The following PTPRD variants were observed in gnomAD, a reference collection of about 807,000 sequenced individuals.
The protein encoded by PTPRD is protein tyrosine phosphatase receptor type D.
PTPRD carries 34 observed loss-of-function variants against 214.5 expected under a neutral mutation model. That is an observed-to-expected ratio of 0.16 (90% CI 0.12 to 0.21). The LOEUF is 0.21. Ranked by LOEUF, PTPRD falls within the 10% of genes least tolerant of loss-of-function variation. The pLI is 1.00. For synonymous variants in PTPRD, 1,128 were observed against 845.7 expected, an observed-to-expected ratio of 1.33 and a Z score of -5.79; for missense variants, 2,545 against 2,398.7, an observed-to-expected ratio of 1.06 and a Z score of -1.27.
chr9:10,082,130 A>G (rs2098248750), intron 3 of PTPRD, among the ~76,000 whole-genome samples: 1 of 152,116 alleles, frequency 6.6e-6, no homozygotes, highest in Non-Finnish European at 1.5e-5. Context: ...TTATAATCCA[A>G]AATTCAATGA....
chr9:8,944,399 A>T (rs2099051625), intron 11 of PTPRD, among the ~76,000 whole-genome samples: 1 of 152,074 alleles, frequency 6.6e-6, no homozygotes, highest in African/African-American at 2.4e-5. Flanking sequence ...TTCCAGTGCT[A>T]AGTATATACT....
At position 9,058,786 on chromosome 9, in the gene PTPRD, A is replaced by C. The variant is rs189776943; in HGVS notation, c.-142-40051T>G. Among the ~76,000 whole-genome samples the C allele has an allele frequency of 3.2e-3, 481 of 152,090 alleles. 5 individuals carry two copies. Among genetic ancestry groups the C allele is most frequent in the Non-Finnish European group, 5.3e-3 (361 of 67,994 alleles). Reference sequence around the variant, plus strand: ...TTAAGCAAAGGAAAAGAAAATCTTAAAGTTAGAGAGGTTGTGAAAAAACAT... The same window carrying C: ...TTAAGCAAAGGAAAAGAAAATCTTACAGTTAGAGAGGTTGTGAAAAAACAT... On this transcript the variant is annotated intron_variant, in intron 10 of 45. Coordinates refer to ENST00000381196, the MANE Select transcript of PTPRD (RefSeq NM_002839.4).
intron 3 of PTPRD, among the ~76,000 whole-genome samples, chr9:10,264,822 T>C (rs972633631): frequency 6.6e-6 from 1 of 152,168 alleles, no homozygotes; most frequent in African/African-American, 2.4e-5. Context: ...TCTTGAATTA[T>C]AGCTCCCATA....
Position 8,524,723 on chromosome 9 carries a change from C to G in PTPRD, c.679+202G>C, listed in dbSNP as rs1453507020. ...TACTTACAAACTCCAAGCCTCAGGA[C>G]AGATTATACTCAAGAGTTGTCTTTT... On this transcript the variant is annotated intron_variant, in intron 18 of 45. Transcript: ENST00000381196. The G allele has an allele frequency of 9.9e-6, 7 of 709,934 alleles. No individual in the cohort carries two copies. In the East Asian group the frequency reaches 1.5e-4, roughly 15 times the overall value. The allele number at this position is 709,934 out of a possible 1,614,324, so 44.0% of individuals were successfully genotyped here.
At chr9:9,034,238 G>T (rs1251334251) in intron 10 of PTPRD, among the ~76,000 whole-genome samples, 1 of 152,126 alleles carries the variant, frequency 6.6e-6, no homozygotes, top group Non-Finnish European at 1.5e-5. Flanking sequence ...GGAACCTCTA[G>T]AGCTCTGTTA....
intron 14 of PTPRD, among the ~76,000 whole-genome samples, chr9:8,545,106 G>GA (rs758533958): frequency 3.3e-5 from 5 of 152,058 alleles, no homozygotes; most frequent in East Asian, 3.9e-4. Flanking sequence ...TGGTTGTGAG[G>GA]AAAAAATGCA....
chr9:9,029,777 G>T (rs750940428), intron 10 of PTPRD, among the ~76,000 whole-genome samples: 1 of 151,854 alleles, frequency 6.6e-6, no homozygotes, highest in Non-Finnish European at 1.5e-5. Flanking sequence ...CAGGTAGGTG[G>T]CTGAGTCTGA....
At chr9:9,503,649 A>G (rs575646606) in intron 8 of PTPRD, among the ~76,000 whole-genome samples, 47 of 151,912 alleles carry the variant, frequency 3.1e-4, no homozygotes, top group Non-Finnish European at 1.5e-5. Context: ...TTGTAGCAAG[A>G]CTATGGTAGA....
At chr9:10,264,581 C>T (rs1247700292) in intron 3 of PTPRD, among the ~76,000 whole-genome samples, 2 of 152,136 alleles carry the variant, frequency 1.3e-5, no homozygotes, top group Non-Finnish European at 2.9e-5. Context: ...GCCTGTACCC[C>T]CATTGTATCT....
intron 11 of PTPRD, among the ~76,000 whole-genome samples, chr9:9,002,450 T>G (rs1173858323): frequency 1.3e-5 from 2 of 152,054 alleles, no homozygotes; most frequent in Non-Finnish European, 2.9e-5. Flanking sequence ...AAAAAATTGA[T>G]TATTCTATTA....
At chr9:8,735,150 C>T (rs12344638) in intron 11 of PTPRD, among the ~76,000 whole-genome samples, 104,411 of 140,966 alleles carry the variant, frequency 0.74, 38,343 homozygotes, top group African/African-American at 0.77. Context: ...TTTTTTTTTT[C>T]TGTTTTTTTT....
At chr9:10,345,099 T>C (rs536261191) in intron 2 of PTPRD, among the ~76,000 whole-genome samples, 2 of 152,282 alleles carry the variant, frequency 1.3e-5, no homozygotes, top group East Asian at 3.9e-4. Flanking sequence ...TGCTGATGAA[T>C]TCCAATCACC....
intron 3 of PTPRD, among the ~76,000 whole-genome samples, chr9:10,216,201 A>T (rs2099540308): frequency 6.6e-6 from 1 of 151,706 alleles, no homozygotes; most frequent in African/African-American, 2.4e-5. Flanking sequence ...ATTTATTCTG[A>T]TTCCTGAGGT....
At position 8,499,710 on chromosome 9, in the gene PTPRD, C is replaced by T. The variant is rs267602291; in HGVS notation, c.2259G>A (p.Arg753=). 1 of 1,614,130 alleles carries T rather than the reference C, an allele frequency of 6.2e-7. No individual in the cohort carries two copies. The highest frequency in any genetic ancestry group is 2.2e-5 in the East Asian group (1 of 44,888). The change falls in exon 25 of 46, where the codon AGG becomes AGA. Residue 753 remains arginine (R), a synonymous_variant. Transcript: ENST00000381196. ...QIRGYQVHYV[R]MENGEPKGQP... is the part of the protein sequence containing the mutation. ...GGCCCTTGGGCTCACCATTTTCCAT[C>T]CTCACATAATGCACCTGATATCCTC...
At chr9:9,342,524 T>A (rs762921352) in intron 9 of PTPRD, among the ~76,000 whole-genome samples, 1 of 152,120 alleles carries the variant, frequency 6.6e-6, no homozygotes, top group Non-Finnish European at 1.5e-5. Flanking sequence ...TGAAGAAACA[T>A]GATTGGCTAC....
chr9:9,319,763 A>C (rs1029573386), intron 9 of PTPRD, among the ~76,000 whole-genome samples: 3 of 152,318 alleles, frequency 2.0e-5, no homozygotes, highest in Admixed American at 6.5e-5. Flanking sequence ...TTCTAGGAGT[A>C]GTGATAATTA....
intron 3 of PTPRD, among the ~76,000 whole-genome samples, chr9:10,300,631 T>TGTAAACAAA (rs2095834511): frequency 6.6e-6 from 1 of 152,058 alleles, no homozygotes; most frequent in African/African-American, 2.4e-5. Context: ...ACCCTCACAG[T>TGTAAACAAA]GTAAACAAAG....
intron 10 of PTPRD, among the ~76,000 whole-genome samples, chr9:9,056,460 C>A (rs933242851): frequency 6.6e-6 from 1 of 152,196 alleles, no homozygotes; most frequent in Non-Finnish European, 1.5e-5. Flanking sequence ...ACCTAACCTG[C>A]AGTTTTGAAT....
intron 9 of PTPRD, among the ~76,000 whole-genome samples, chr9:9,317,807 T>C (rs1030934563): frequency 2.0e-5 from 3 of 152,112 alleles, no homozygotes; most frequent in Non-Finnish European, 2.9e-5. Context: ...ATTAATAATT[T>C]TTTTCATCCT....
Sources: gnomAD v4.1 joint callset for allele counts (sites outside exome capture counted in the v4.1 genomes callset) on GRCh38, gnomAD v4.1.1 for gene constraint, MANE v1.5 for transcripts, NCBI Gene and HGNC (gene_info 2026-07-23, HGNC 2026-07-21) for gene names.